KIDINS220: variants seen among roughly 807,000 people sequenced by gnomAD.
KIDINS220 encodes kinase D-interacting substrate of 220 kDa.
Under a neutral mutation model 157.6 loss-of-function variants are expected in KIDINS220, and 63 were observed. That is an observed-to-expected ratio of 0.40 (90% CI 0.33 to 0.49). KIDINS220 has a LOEUF of 0.49. Among genes scored for constraint, KIDINS220 ranks in the 20% least tolerant of loss-of-function variants. The pLI, the probability that KIDINS220 is intolerant of heterozygous loss-of-function variation, is 0.66. For missense variants in KIDINS220, 1,772 were observed against 2,171.2 expected (o/e 0.82, Z 3.65); for synonymous variants, 732 against 783.6 (o/e 0.93, Z 1.10).
chr2:8,817,073 C>T (rs576722785), intron 4 of KIDINS220, among the ~76,000 whole-genome samples: 14 of 152,244 alleles, frequency 9.2e-5, no homozygotes, highest in Non-Finnish European at 1.9e-4. Context: ...GAACATTTTA[C>T]AGAATTAGCC....
chr2:8,775,973 G>A (rs78861149), intron 21 of KIDINS220, among the ~76,000 whole-genome samples: 9,707 of 152,150 alleles, frequency 0.064, 991 homozygotes, highest in African/African-American at 0.22. Context: ...GCAGACACTC[G>A]CTACACATTT....
intron 11 of KIDINS220, 37 bp from the exon 12 acceptor site, chr2:8,794,024 C>A (rs192400056): frequency 6.7e-7 from 1 of 1,490,790 alleles, no homozygotes; most frequent in African/African-American, 1.4e-5. Context: ...ACTTTCTTAT[C>A]TTTATATATA....
chr2:8,727,485 G>T (rs1252566906), downstream of KIDINS220, among the ~76,000 whole-genome samples: 1 of 152,158 alleles, frequency 6.6e-6, no homozygotes, highest in Admixed American at 6.5e-5. Context: ...TAAACTATGG[G>T]ATACTTCTAA....
chr2:8,730,401 T>A lies in KIDINS220; in HGVS notation c.*319A>T. 4 of 1,105,080 alleles carry A rather than the reference T, an allele frequency of 3.6e-6. No homozygotes were observed. Among genetic ancestry groups the A allele is most frequent in the Non-Finnish European group, 4.4e-6 (4 of 908,374 alleles). 68.5% of individuals were successfully genotyped at this position (1,105,080 alleles called of 1,614,324 possible). A position where few individuals can be genotyped will look rare whatever the true frequency, so the allele number is the denominator to read the frequency against. On this transcript the variant is annotated 3_prime_UTR_variant, in exon 30 of 30. Coordinates refer to ENST00000256707, the MANE Select transcript of KIDINS220 (RefSeq NM_020738.4). ...TTTCTTTTTGGCACATTAAGCCCTT[T>A]AAAATACTTCTGACCTATCTTTATA...
At chr2:8,796,698 T>G in intron 11 of KIDINS220, 73 bp downstream of exon 11, 4 of 1,134,558 alleles carry the variant, frequency 3.5e-6, no homozygotes. Flanking sequence ...AGATCCCCAT[T>G]AAATCCACTC....
intron 1 of KIDINS220, among the ~76,000 whole-genome samples, chr2:8,832,231 T>A (rs1432917918): frequency 5.9e-5 from 9 of 152,224 alleles, no homozygotes; most frequent in Admixed American, 5.9e-4. Context: ...AGGGAGTTAA[T>A]AAGACCAACT....
chr2:8,751,962 C>T (rs1667425091), intron 22 of KIDINS220, among the ~76,000 whole-genome samples: 1 of 152,110 alleles, frequency 6.6e-6, no homozygotes, highest in Non-Finnish European at 1.5e-5. Context: ...ACCTCAGTCT[C>T]CCAAAGTGCT....
At chr2:8,789,305 T>TTTGTGGGG (rs1672851842) in intron 14 of KIDINS220, among the ~76,000 whole-genome samples, 1 of 127,214 alleles carries the variant, frequency 7.9e-6, no homozygotes, top group Admixed American at 7.7e-5. Context: ...TTTTTTTTTT[T>TTTGTGGGG]GAGATGGAGT....
chr2:8,750,023 C>T, intron 24 of KIDINS220, 89 bp downstream of exon 24: 1 of 1,146,914 alleles, frequency 8.7e-7, no homozygotes. Flanking sequence ...CAAAGTACAG[C>T]TTTAAAACCA....
At chr2:8,817,567 T>C in intron 4 of KIDINS220, 51 bp downstream of exon 4, 2 of 1,017,494 alleles carry the variant, frequency 2.0e-6, no homozygotes, top group African/African-American at 1.6e-5. Flanking sequence ...CACATATCTA[T>C]GATTATAAAT....
At chr2:8,820,367 G>C (rs1677757872) in intron 2 of KIDINS220, among the ~76,000 whole-genome samples, 1 of 152,196 alleles carries the variant, frequency 6.6e-6, no homozygotes, top group Non-Finnish European at 1.5e-5. Flanking sequence ...GTGAGGGACA[G>C]TGGCTGCCAC....
intron 21 of KIDINS220, 68 bp from the exon 22 acceptor site, chr2:8,770,900 G>T: frequency 2.3e-6 from 2 of 873,328 alleles, no homozygotes; most frequent in Non-Finnish European, 3.3e-6. Context: ...AAAACATTTA[G>T]TATATTCACA....
intron 21 of KIDINS220, among the ~76,000 whole-genome samples, chr2:8,771,878 T>C (rs766844151): frequency 6.6e-6 from 1 of 152,010 alleles, no homozygotes; most frequent in African/African-American, 2.4e-5. Flanking sequence ...GCTGGAGATA[T>C]ACACACAGTG....
downstream of KIDINS220, chr2:8,723,262 A>G (rs6753855): frequency 0.3 from 46,261 of 152,128 alleles, 7,316 homozygotes; most frequent in African/African-American, 0.37. Flanking sequence ...CACATGCGTC[A>G]CTTCCAGGCC....
chr2:8,739,420 C>A lies in KIDINS220; in HGVS notation c.3586-2421G>T, dbSNP rs572514827. 2.5e-4 allele frequency among the ~76,000 whole-genome samples: 38 copies of A among 152,152 alleles called. No individual in the cohort carries two copies. The South Asian group carries it at 7.7e-3, about 31-fold the overall frequency. Reference sequence around the variant, plus strand: ...AATGAAAATATGTTATAATATGCTTCTTTGAATAAAGAAGAAATGGTAATT... The same window carrying A: ...AATGAAAATATGTTATAATATGCTTATTTGAATAAAGAAGAAATGGTAATT... On this transcript the variant is annotated intron_variant, in intron 26 of 29. Coordinates refer to ENST00000256707, the MANE Select transcript of KIDINS220 (RefSeq NM_020738.4).
At chr2:8,798,600 C>G (rs563793135) in intron 9 of KIDINS220, among the ~76,000 whole-genome samples, 4 of 152,150 alleles carry the variant, frequency 2.6e-5, no homozygotes, top group Non-Finnish European at 4.4e-5. Flanking sequence ...GTACCTGAAC[C>G]CTGTAAACTC....
At chr2:8,734,506 A>G (rs539454355) in intron 28 of KIDINS220, 149 bp downstream of exon 28, 45 of 581,988 alleles carry the variant, frequency 7.7e-5, no homozygotes, top group Middle Eastern at 4.6e-4. Context: ...ACATAAGTGT[A>G]AGAAGCAGTT....
intron 22 of KIDINS220, among the ~76,000 whole-genome samples, chr2:8,763,437 C>T (rs1461701122): frequency 6.6e-6 from 1 of 152,154 alleles, no homozygotes; most frequent in East Asian, 1.9e-4. Flanking sequence ...CACTCAGTTT[C>T]AGATTTGGGG....
chr2:8,775,559 T>C (rs937179845), intron 21 of KIDINS220, among the ~76,000 whole-genome samples: 1 of 152,196 alleles, frequency 6.6e-6, no homozygotes, highest in African/African-American at 2.4e-5. Context: ...AGCACTGGCC[T>C]GGCCACTGAA....
Sources: gnomAD v4.1 joint callset for allele counts (sites outside exome capture counted in the v4.1 genomes callset) on GRCh38, gnomAD v4.1.1 for gene constraint, MANE v1.5 for transcripts, NCBI Gene and HGNC (gene_info 2026-07-23, HGNC 2026-07-21) for gene names.